Variants in CDH11 observed in about 807,000 individuals in gnomAD.
The protein encoded by CDH11 is cadherin 11.
In CDH11, 11 loss-of-function variants were observed where a neutral mutation model predicts 67.8. That is an observed-to-expected ratio of 0.16 (90% confidence interval 0.10 to 0.27). The LOEUF (loss-of-function observed/expected upper bound fraction) is 0.27. Among genes scored for constraint, CDH11 ranks in the 10% least tolerant of loss-of-function variants. The pLI is 1.00. For missense variants in CDH11, 847 were observed against 1,031.2 expected, an observed-to-expected ratio of 0.82 and a Z score of 2.45; for synonymous variants, 419 against 400.0, an observed-to-expected ratio of 1.05 and a Z score of -0.57.
chr16:64,971,823 T>A, intron 10 of CDH11, 108 bp downstream of exon 10: 4 of 1,429,468 alleles, frequency 2.8e-6, no homozygotes, highest in Middle Eastern at 3.5e-4. Flanking sequence ...AAACTATGGC[T>A]CTGAAACCTT....
chr16:64,983,665 C>T (rs35208), intron 7 of CDH11, among the ~76,000 whole-genome samples: 39,581 of 152,074 alleles, frequency 0.26, 5,974 homozygotes, highest in Middle Eastern at 0.36. Flanking sequence ...TCAGGAAACA[C>T]TACCTTTTCC....
chr16:65,046,034 G>T (rs538314774), intron 2 of CDH11, among the ~76,000 whole-genome samples: 2 of 152,162 alleles, frequency 1.3e-5, no homozygotes, highest in Non-Finnish European at 2.9e-5. Flanking sequence ...GTTACTTCCT[G>T]CTTGTCATGC....
At chr16:65,103,645 A>T (rs1329702683) in intron 1 of CDH11, among the ~76,000 whole-genome samples, 1 of 152,204 alleles carries the variant, frequency 6.6e-6, no homozygotes, top group African/African-American at 2.4e-5. Flanking sequence ...AGTAGTTTTT[A>T]AAAACTGTGT....
rs1289361401 is a variant in CDH11 at position 65,063,392 on chromosome 16, G to A, written c.-297-9464C>T. Among the ~76,000 whole-genome samples the A allele has an allele frequency of 2.0e-5, 3 of 152,312 alleles. No individual in the cohort carries two copies. The East Asian group carries it at 5.8e-4, about 29-fold the overall frequency. On this transcript the variant is annotated intron_variant, in intron 1 of 12. Transcript: ENST00000268603. ...ACTGTCAACAGCTATGTGGAGCTGG[G>A]TCATCTTACCAGACTGTGCTTGGAT...
At chr16:65,022,885 T>C (rs1475354561) in intron 2 of CDH11, among the ~76,000 whole-genome samples, 2 of 152,130 alleles carry the variant, frequency 1.3e-5, no homozygotes, top group Non-Finnish European at 1.5e-5. Context: ...CCTAACGCAA[T>C]TGGGGCCACA....
chr16:64,990,531 C>T (rs1202889566), intron 6 of CDH11, among the ~76,000 whole-genome samples: 1 of 120,748 alleles, frequency 8.3e-6, no homozygotes, highest in Non-Finnish European at 1.8e-5. Flanking sequence ...CACAGTCATA[C>T]TGTCCATTCA....
At chr16:65,033,376 G>C (rs149518833) in intron 2 of CDH11, among the ~76,000 whole-genome samples, 1 of 152,068 alleles carries the variant, frequency 6.6e-6, no homozygotes, top group African/African-American at 2.4e-5. Flanking sequence ...TCTCTCTTTA[G>C]ATTTATTCAG....
At chr16:65,035,889 T>C (rs1378930395) in intron 2 of CDH11, among the ~76,000 whole-genome samples, 1 of 152,010 alleles carries the variant, frequency 6.6e-6, no homozygotes, top group Non-Finnish European at 1.5e-5. Flanking sequence ...AGAAAGAAAA[T>C]CTGTTCCCTC....
chr16:64,998,218 A>T (rs1417327694), intron 4 of CDH11, among the ~76,000 whole-genome samples: 7 of 152,212 alleles, frequency 4.6e-5, no homozygotes, highest in African/African-American at 1.4e-4. Context: ...GGTGAGTTGG[A>T]ATTACCTCAT....
At chr16:65,039,417 A>G (rs1268166116) in intron 2 of CDH11, among the ~76,000 whole-genome samples, 1 of 152,182 alleles carries the variant, frequency 6.6e-6, no homozygotes, top group East Asian at 1.9e-4. Context: ...CATATCTACA[A>G]CTATCTGATC....
intron 9 of CDH11, 151 bp from the exon 10 acceptor site, chr16:64,972,215 G>T: frequency 1.5e-6 from 1 of 651,544 alleles, no homozygotes; most frequent in African/African-American, 1.8e-5. Flanking sequence ...AGAGCTGAAG[G>T]GTGCTGTTAG....
rs150413953 is a variant in CDH11 at position 65,040,230 on chromosome 16, A to G, written c.-173+13574T>C. 4.4e-3 allele frequency among the ~76,000 whole-genome samples: 671 copies of G among 152,308 alleles called. 3 individuals are homozygous for G. The highest frequency in any genetic ancestry group is 5.2e-3 in the Non-Finnish European group (352 of 68,040). ...GTATATACCCAAAGGATTATAAAAC[A>G]TGCTTCTATAAAGACACATGCACAT... is the stretch of plus-strand genomic sequence containing the variant. On this transcript the variant is annotated intron_variant, in intron 2 of 12. Coordinates refer to ENST00000268603, the MANE Select transcript of CDH11 (RefSeq NM_001797.4).
At chr16:64,976,017 G>A (rs143578959) in intron 8 of CDH11, among the ~76,000 whole-genome samples, 1 of 152,140 alleles carries the variant, frequency 6.6e-6, no homozygotes, top group Non-Finnish European at 1.5e-5. Flanking sequence ...AGCTGTTTTT[G>A]TTTTAAAGTA....
intron 2 of CDH11, among the ~76,000 whole-genome samples, chr16:65,053,212 C>T (rs868860865): frequency 5.3e-5 from 8 of 152,168 alleles, no homozygotes; most frequent in Admixed American, 1.3e-4. Flanking sequence ...TAAATGGATT[C>T]GTAGAATCCT....
At chr16:64,950,736 C>T (rs572049132) in intron 12 of CDH11, 31 bp downstream of exon 12, 1 of 1,604,326 alleles carries the variant, frequency 6.2e-7, no homozygotes, top group South Asian at 1.1e-5. Flanking sequence ...TTGCCTGGCC[C>T]TTCCTGCAGG....
intron 1 of CDH11, among the ~76,000 whole-genome samples, chr16:65,073,184 C>G (rs980606056): frequency 6.6e-6 from 1 of 152,142 alleles, no homozygotes; most frequent in East Asian, 1.9e-4. Flanking sequence ...TTAGAGAAAA[C>G]AAGAAACCTA....
At chr16:64,970,195 C>T (rs1289824202) in intron 11 of CDH11, among the ~76,000 whole-genome samples, 1 of 152,148 alleles carries the variant, frequency 6.6e-6, no homozygotes, top group East Asian at 1.9e-4. Flanking sequence ...GCTGTCATAA[C>T]ACCTAGGGCA....
At chr16:65,091,595 G>A (rs1427844280) in intron 1 of CDH11, among the ~76,000 whole-genome samples, 18 of 145,456 alleles carry the variant, frequency 1.2e-4, no homozygotes, top group South Asian at 4.3e-4. Flanking sequence ...TCTGTGGCCC[G>A]GGCTGGAGTG....
chr16:65,003,209 T>A (rs1196847252), intron 3 of CDH11, among the ~76,000 whole-genome samples: 1 of 151,830 alleles, frequency 6.6e-6, no homozygotes, highest in Non-Finnish European at 1.5e-5. Flanking sequence ...ATATTGTTAA[T>A]ATTAACTGGC....
Sources: allele counts gnomAD v4.1 joint callset (sites outside exome capture counted in the v4.1 genomes callset), GRCh38; gene constraint gnomAD v4.1.1; transcripts MANE v1.5; gene names NCBI Gene and HGNC (gene_info 2026-07-23, HGNC 2026-07-21).